Variants in CDC14B observed in about 807,000 individuals in gnomAD.
CDC14B encodes dual specificity protein phosphatase CDC14B.
In CDC14B, 22 loss-of-function variants were observed where a neutral mutation model predicts 64.2. That is an observed-to-expected ratio of 0.34 (90% CI 0.24 to 0.49). CDC14B has a LOEUF of 0.49. Among genes scored for constraint, CDC14B ranks in the 20% least tolerant of loss-of-function variants. The pLI is 0.99. For missense variants in CDC14B, 498 were observed against 629.9 expected, an observed-to-expected ratio of 0.79 and a Z score of 2.24; for synonymous variants, 191 against 215.8, an observed-to-expected ratio of 0.89 and a Z score of 1.01.
chr9:96,566,925 G>T (rs369984728), intron 1 of CDC14B: 1 of 1,520,886 alleles, frequency 6.6e-7, no homozygotes, highest in African/African-American at 1.4e-5. Context: ...TTAAAGGGCC[G>T]CGCGGGGCAG....
intron 4 of CDC14B, among the ~76,000 whole-genome samples, chr9:96,561,952 G>A (rs1338790016): frequency 6.6e-6 from 1 of 152,172 alleles, no homozygotes; most frequent in Admixed American, 6.5e-5. Flanking sequence ...GCTGGCTCTG[G>A]AAAAATTGCA....
intron 12 of CDC14B, among the ~76,000 whole-genome samples, chr9:96,517,825 T>G (rs1053677974): frequency 6.6e-6 from 1 of 150,962 alleles, no homozygotes; most frequent in African/African-American, 2.4e-5. Context: ...CATGCCACCA[T>G]GCCCAGTTTT....
At chr9:96,565,364 G>A (rs747392534) in intron 2 of CDC14B, 29 bp downstream of exon 2, 1 of 1,400,748 alleles carries the variant, frequency 7.1e-7, no homozygotes. Context: ...AAAACAAAAA[G>A]TTAAAATCTT....
At chr9:96,601,037 C>T (rs1165394118) in intron 1 of CDC14B, among the ~76,000 whole-genome samples, 1 of 151,872 alleles carries the variant, frequency 6.6e-6, no homozygotes, top group African/African-American at 2.4e-5. Flanking sequence ...TAAAATATTC[C>T]ACTACATTAT....
intron 9 of CDC14B, among the ~76,000 whole-genome samples, chr9:96,533,522 C>T (rs569497587): frequency 2.6e-5 from 4 of 152,284 alleles, no homozygotes; most frequent in African/African-American, 7.2e-5. Flanking sequence ...ATCCTACTAT[C>T]TTCATACCAT....
chr9:96,563,639 A>C (rs1843520956), intron 3 of CDC14B, among the ~76,000 whole-genome samples: 1 of 148,886 alleles, frequency 6.7e-6, no homozygotes, highest in South Asian at 2.1e-4. Flanking sequence ...AACAAGAGCG[A>C]AACTCTGTCT....
intron 1 of CDC14B, among the ~76,000 whole-genome samples, chr9:96,585,159 C>T (rs1182253653): frequency 6.6e-6 from 1 of 151,684 alleles, no homozygotes; most frequent in Non-Finnish European, 1.5e-5. Context: ...ATTGTCATGC[C>T]AATTGCACTG....
intron 9 of CDC14B, among the ~76,000 whole-genome samples, chr9:96,528,638 C>G (rs1208485270): frequency 6.6e-6 from 1 of 152,230 alleles, no homozygotes; most frequent in Non-Finnish European, 1.5e-5. Flanking sequence ...GATGGAACTG[C>G]TGAATGACGT....
At chr9:96,574,079 G>A (rs571597987) in intron 1 of CDC14B, among the ~76,000 whole-genome samples, 3 of 151,948 alleles carry the variant, frequency 2.0e-5, no homozygotes, top group African/African-American at 4.8e-5. Context: ...CCCGGGAGGC[G>A]GAGCTGGCAG....
downstream of CDC14B, among the ~76,000 whole-genome samples, chr9:96,498,215 A>G (rs1245770647): frequency 6.6e-6 from 1 of 151,932 alleles, no homozygotes; most frequent in Non-Finnish European, 1.5e-5. Flanking sequence ...GAGGAGGGGG[A>G]GACGGCAAAG....
chr9:96,521,338 C>G (rs949418642), intron 12 of CDC14B, among the ~76,000 whole-genome samples: 1 of 152,174 alleles, frequency 6.6e-6, no homozygotes, highest in African/African-American at 2.4e-5. Context: ...CTTGGCCTCC[C>G]AAAGTGCTGG....
intron 1 of CDC14B, among the ~76,000 whole-genome samples, chr9:96,570,075 G>T (rs1158020605): frequency 6.6e-6 from 1 of 152,080 alleles, no homozygotes; most frequent in South Asian, 2.1e-4. Flanking sequence ...TGATATAGGA[G>T]AAAGAAACAA....
At position 96,616,045 on chromosome 9, in the gene CDC14B, G is replaced by T. The variant is rs139994640; in HGVS notation, c.160+3174C>A. Reference sequence around the variant, plus strand: ...GCAGCCATCAAAAGATAACTAATCAGCTGCGGGCGGTGGCTCACGCCTGTA... The same window carrying T: ...GCAGCCATCAAAAGATAACTAATCATCTGCGGGCGGTGGCTCACGCCTGTA... On this transcript the variant is annotated intron_variant, in intron 1 of 13. Coordinates refer to ENST00000375241, the MANE Select transcript of CDC14B (RefSeq NM_033331.4). Among the ~76,000 whole-genome samples the T allele has an allele frequency of 1.6e-3, 240 of 152,262 alleles. 1 individual carries two copies. The highest frequency in any genetic ancestry group is 5.2e-3 in the African/African-American group (216 of 41,554).
chr9:96,504,360 C>G (rs956260617), intron 13 of CDC14B, among the ~76,000 whole-genome samples: 1 of 152,098 alleles, frequency 6.6e-6, no homozygotes, highest in African/African-American at 2.4e-5. Context: ...CCCCAGTTCA[C>G]GACGCTACAC....
At chr9:96,587,353 A>T (rs1588036344) in intron 1 of CDC14B, among the ~76,000 whole-genome samples, 1 of 152,232 alleles carries the variant, frequency 6.6e-6, no homozygotes, top group East Asian at 1.9e-4. Context: ...GCACACACGG[A>T]GGAAATAAAC....
chr9:96,539,887 G>A (rs886609011), intron 6 of CDC14B, among the ~76,000 whole-genome samples: 4 of 152,198 alleles, frequency 2.6e-5, no homozygotes, highest in African/African-American at 9.7e-5. Flanking sequence ...TGATCCCTGA[G>A]CCAAACAGGA....
exon 14 of CDC14B, chr9:96,493,182 A>C (rs1587694638): frequency 6.6e-6 from 1 of 152,424 alleles, no homozygotes; most frequent in African/African-American, 2.4e-5. Flanking sequence ...AAGGCAGAAC[A>C]GGAGCTGCCC....
At position 96,534,061 on chromosome 9, in the gene CDC14B, T is replaced by C. The variant is rs1838918146; in HGVS notation, c.812A>G (p.Lys271Arg). ...IRLNKRMYDA[K>R]RFTDAGFDHH... ...ATCGAAGCCAGCATCCGTAAAGCGT[T>C]TGGCATCATACATCCTTTTATTCAG... Residue 271 changes from lysine to arginine, a missense_variant, in exon 9 of 14, where the codon AAA becomes AGA. Coordinates refer to ENST00000375241, the MANE Select transcript of CDC14B (RefSeq NM_033331.4). 3 of 1,613,234 alleles carry C rather than the reference T, an allele frequency of 1.9e-6. No homozygotes were observed. Among genetic ancestry groups the C allele is most frequent in the Non-Finnish European group, 8.5e-7 (1 of 1,179,266 alleles).
chr9:96,597,259 C>T (rs1381482964), intron 1 of CDC14B, among the ~76,000 whole-genome samples: 1 of 151,980 alleles, frequency 6.6e-6, no homozygotes, highest in Non-Finnish European at 1.5e-5. Flanking sequence ...TTTGGGAGGC[C>T]GAGGCAGGTG....
Sources: gnomAD v4.1 joint callset for allele counts (sites outside exome capture counted in the v4.1 genomes callset) on GRCh38, gnomAD v4.1.1 for gene constraint, MANE v1.5 for transcripts, NCBI Gene and HGNC (gene_info 2026-07-23, HGNC 2026-07-21) for gene names.